The following RANBP2 variants were observed in gnomAD, a reference collection of about 807,000 sequenced individuals.
RANBP2 encodes the protein E3 SUMO-protein ligase RanBP2.
RANBP2 carries 57 observed loss-of-function variants against 303.6 expected under a neutral mutation model. That is an observed-to-expected ratio of 0.19 (90% CI 0.15 to 0.23). The LOEUF is 0.23. Ranked by LOEUF, RANBP2 falls within the 10% of genes least tolerant of loss-of-function variation. The pLI, the probability that RANBP2 is intolerant of heterozygous loss-of-function variation, is 1.00. For synonymous variants in RANBP2, 1,167 were observed against 1,301.5 expected, an observed-to-expected ratio of 0.90 and a Z score of 2.23; for missense variants, 3,138 against 3,780.8, an observed-to-expected ratio of 0.83 and a Z score of 4.46.
the RANBP2 span, chr2:109,129,628 C>G: frequency 1.8e-4 from 271 of 1,490,638 alleles, 1 homozygote; most frequent in African/African-American, 3.2e-3. Flanking sequence ...GCCAGGCGAG[C>G]GACGGCGGCG....
chr2:109,228,477 T>A, the RANBP2 span, among the ~76,000 whole-genome samples: 1 of 152,162 alleles, frequency 6.6e-6, no homozygotes, highest in Admixed American at 6.5e-5. Context: ...ACCAAGCAAT[T>A]CTCCAGTTGT....
the RANBP2 span, among the ~76,000 whole-genome samples, chr2:109,435,043 G>A: frequency 6.6e-6 from 1 of 152,078 alleles, no homozygotes; most frequent in Non-Finnish European, 1.5e-5. Context: ...AGCCCTCTTG[G>A]TCTGTGTTTT....
the RANBP2 span, among the ~76,000 whole-genome samples, chr2:109,033,161 G>A: frequency 3.9e-5 from 6 of 152,174 alleles, no homozygotes; most frequent in African/African-American, 9.7e-5. Flanking sequence ...GACTTCCCTA[G>A]GAAGGAATAA....
At chr2:109,467,719 G>A in the RANBP2 span, among the ~76,000 whole-genome samples, 13,255 of 152,322 alleles carry the variant, frequency 0.087, 1,751 homozygotes, top group African/African-American at 0.29. Flanking sequence ...TCTATTTGAG[G>A]ATGAGCGTTT....
the RANBP2 span, among the ~76,000 whole-genome samples, chr2:109,426,044 C>A: frequency 3.3e-5 from 5 of 152,162 alleles, no homozygotes; most frequent in African/African-American, 1.2e-4. Flanking sequence ...ATTACAGGCG[C>A]ATGCCACCAC....
chr2:108,977,531 A>G, the RANBP2 span, among the ~76,000 whole-genome samples: 1 of 152,036 alleles, frequency 6.6e-6, no homozygotes, highest in African/African-American at 2.4e-5. Flanking sequence ...CGGCCTCCCA[A>G]AGTGCTGGGA....
chr2:109,497,167 A>T, the RANBP2 span, among the ~76,000 whole-genome samples: 1 of 152,228 alleles, frequency 6.6e-6, no homozygotes, highest in East Asian at 1.9e-4. Flanking sequence ...CGTTATAGCC[A>T]TAAACAACTA....
the RANBP2 span, among the ~76,000 whole-genome samples, chr2:109,023,831 C>T: frequency 3.9e-5 from 6 of 152,250 alleles, no homozygotes; most frequent in South Asian, 1.2e-3. Context: ...CAAAAACAAA[C>T]AAACAAAAAA....
chr2:109,434,598 A>T, the RANBP2 span, among the ~76,000 whole-genome samples: 1 of 152,140 alleles, frequency 6.6e-6, no homozygotes, highest in African/African-American at 2.4e-5. Context: ...ATCCCTGAAT[A>T]TCCTTCAAGA....
chr2:109,191,688 C>T, the RANBP2 span, among the ~76,000 whole-genome samples: 1 of 152,154 alleles, frequency 6.6e-6, no homozygotes, highest in Non-Finnish European at 1.5e-5. Flanking sequence ...GGTGGTGTGA[C>T]AGTGAGGACC....
At chr2:109,567,765 A>T in the RANBP2 span, 1 of 1,500,456 alleles carries the variant, frequency 6.7e-7, no homozygotes, top group South Asian at 1.4e-5. Context: ...CACAAATTAC[A>T]GTTTTATTTT....
At chr2:109,301,135 C>G in the RANBP2 span, among the ~76,000 whole-genome samples, 91 of 152,352 alleles carry the variant, frequency 6.0e-4, no homozygotes, top group African/African-American at 2.0e-3. Context: ...GGCCAGCTCA[C>G]TAGCTGCAAG....
At chr2:109,385,580 GT>G in the RANBP2 span, among the ~76,000 whole-genome samples, 1 of 152,248 alleles carries the variant, frequency 6.6e-6, no homozygotes. Flanking sequence ...AAAGGAGCCT[GT>G]TTGAAATAAT....
At chr2:109,129,260 G>A in the RANBP2 span, 1 of 591,106 alleles carries the variant, frequency 1.7e-6, no homozygotes, top group Non-Finnish European at 3.0e-6. Flanking sequence ...GCGCGGGGCG[G>A]ACTTGCGGCG....
chr2:109,052,969 G>A, the RANBP2 span, among the ~76,000 whole-genome samples: 5 of 152,148 alleles, frequency 3.3e-5, no homozygotes, highest in South Asian at 4.1e-4. Context: ...GTCAGAGCTC[G>A]CCTCAGATGG....
At chr2:109,111,953 G>C in the RANBP2 span, among the ~76,000 whole-genome samples, 4 of 151,984 alleles carry the variant, frequency 2.6e-5, no homozygotes, top group Non-Finnish European at 5.9e-5. Context: ...CCCTACAAAG[G>C]ACATGAACTC....
chr2:109,551,747 GT>G, the RANBP2 span, among the ~76,000 whole-genome samples: 32 of 152,302 alleles, frequency 2.1e-4, no homozygotes, highest in African/African-American at 7.5e-4. Context: ...AGCAAGTACT[GT>G]AAGTGTATTT....
the RANBP2 span, chr2:109,129,557 C>T: frequency 1.3e-6 from 2 of 1,492,352 alleles, no homozygotes; most frequent in Non-Finnish European, 1.8e-6. Flanking sequence ...CTCGGAGCGT[C>T]CTGGCTGTGC....
chr2:109,259,179 G>A, the RANBP2 span, among the ~76,000 whole-genome samples: 2 of 152,230 alleles, frequency 1.3e-5, no homozygotes, highest in South Asian at 2.1e-4. Context: ...AAGCCGGGTT[G>A]AGGAATCCAT....
Sources: gnomAD v4.1 joint callset for allele counts (sites outside exome capture counted in the v4.1 genomes callset) on GRCh38, gnomAD v4.1.1 for gene constraint, MANE v1.5 for transcripts, NCBI Gene and HGNC (gene_info 2026-07-23, HGNC 2026-07-21) for gene names.